The following GRXCR1 variants were observed in gnomAD, a reference collection of about 807,000 sequenced individuals.
GRXCR1 encodes glutaredoxin domain-containing cysteine-rich protein 1.
Under a neutral mutation model 27.3 loss-of-function variants are expected in GRXCR1, and 27 were observed. That is an observed-to-expected ratio of 0.99 (90% CI 0.73 to 1.37). The LOEUF is 1.37. GRXCR1 is among the 40% of genes most tolerant of loss of function. The probability of loss-of-function intolerance (pLI) is 0.00; values close to 1 mark genes in which losing one functional copy is unlikely to be tolerated. For synonymous variants in GRXCR1, 122 were observed against 131.1 expected (o/e 0.93, Z 0.47); for missense variants, 379 against 354.4 (o/e 1.07, Z -0.56).
chr4:43,013,399 A>G (rs182210113), intron 2 of GRXCR1, among the ~76,000 whole-genome samples: 11 of 152,290 alleles, frequency 7.2e-5, no homozygotes, highest in Admixed American at 1.3e-4. Context: ...CAAATATTGC[A>G]TGTTCTCATT....
In GRXCR1 at chr4:43,022,071, A is replaced by G. The variant is rs549059579; in HGVS notation, c.693+1652A>G. 2.0e-5 allele frequency among the ~76,000 whole-genome samples: 3 copies of G among 152,284 alleles called. No individual in the cohort carries two copies. In the South Asian group the frequency reaches 6.2e-4, roughly 32 times the overall value. The stretch of plus-strand genomic sequence containing the variant: ...TCTATTTATTTCTTTCTGTTCTCAT[A>G]TACTACCCCAATCCTGTGAAGTCAT... On this transcript the variant is annotated intron_variant, in intron 3 of 3. Coordinates refer to ENST00000399770, the MANE Select transcript of GRXCR1 (RefSeq NM_001080476.3).
At chr4:42,987,258 T>TA (rs1711793368) in intron 2 of GRXCR1, among the ~76,000 whole-genome samples, 1 of 83,484 alleles carries the variant, frequency 1.2e-5, no homozygotes, top group African/African-American at 4.4e-5. Context: ...AATATATATA[T>TA]ATAATATATA....
chr4:43,021,617 G>A lies in GRXCR1; in HGVS notation c.693+1198G>A, dbSNP rs562701392. Among the ~76,000 whole-genome samples the A allele has an allele frequency of 8.5e-5, 13 of 152,230 alleles. No homozygotes were observed. The South Asian group carries it at 2.3e-3, about 27-fold the overall frequency. ...CCTCTCAATGTACTGCAGACCTATA[G>A]AAATAACTCAAAATCATTTTTTATC... On this transcript the variant is annotated intron_variant, in intron 3 of 3. Coordinates refer to ENST00000399770, the MANE Select transcript of GRXCR1 (RefSeq NM_001080476.3).
chr4:43,026,702 T>C (rs1333478637), intron 3 of GRXCR1, among the ~76,000 whole-genome samples: 1 of 152,214 alleles, frequency 6.6e-6, no homozygotes, highest in Non-Finnish European at 1.5e-5. Flanking sequence ...AGAGACCTCT[T>C]CAATATTCCA....
intron 2 of GRXCR1, among the ~76,000 whole-genome samples, chr4:42,974,647 C>T (rs1447425430): frequency 2.6e-5 from 4 of 152,042 alleles, no homozygotes; most frequent in African/African-American, 4.8e-5. Flanking sequence ...AATCCTGAAG[C>T]GAGAGCTAAG....
intron 2 of GRXCR1, among the ~76,000 whole-genome samples, chr4:42,974,151 C>T (rs553237164): frequency 2.0e-5 from 3 of 152,160 alleles, no homozygotes; most frequent in African/African-American, 7.2e-5. Context: ...CTCTCAAATC[C>T]ATCTCCTTGA....
At chr4:42,904,483 G>C (rs1333180382) in intron 1 of GRXCR1, among the ~76,000 whole-genome samples, 2 of 152,132 alleles carry the variant, frequency 1.3e-5, no homozygotes, top group Non-Finnish European at 2.9e-5. Flanking sequence ...TTAGACATAA[G>C]AGCACTATTC....
rs141247129 is a variant in GRXCR1 at position 42,954,071 on chromosome 4, C to A, written c.385-8821C>A. Among the ~76,000 whole-genome samples, 12 of 152,126 alleles carry A rather than the reference C, an allele frequency of 7.9e-5. No homozygotes were observed. The East Asian group carries it at 2.3e-3, about 30-fold the overall frequency. On this transcript the variant is annotated intron_variant, in intron 1 of 3. Transcript: ENST00000399770. Reference sequence around the variant, plus strand: ...AATATTTATGGAGTATCCATATGCACTAGGTTATATTCTGGGTTCTTAGTT... The same window carrying A: ...AATATTTATGGAGTATCCATATGCAATAGGTTATATTCTGGGTTCTTAGTT...
intron 1 of GRXCR1, among the ~76,000 whole-genome samples, chr4:42,924,631 A>G (rs1747104089): frequency 6.6e-6 from 1 of 152,092 alleles, no homozygotes; most frequent in South Asian, 2.1e-4. Flanking sequence ...TATGAATGCT[A>G]GGAATGTTTC....
intron 2 of GRXCR1, among the ~76,000 whole-genome samples, chr4:42,989,833 T>C (rs1419792311): frequency 6.6e-6 from 1 of 152,214 alleles, no homozygotes; most frequent in Non-Finnish European, 1.5e-5. Context: ...TGGTATTATC[T>C]CCTATCTGCA....
In GRXCR1 at chr4:42,946,580, T is replaced by C. The variant is rs139687464; in HGVS notation, c.385-16312T>C. On this transcript the variant is annotated intron_variant, in intron 1 of 3. Transcript: ENST00000399770. ...ATTTATTTTTCACAGTTCTGGAGCA[T>C]AGAAAGTTCAAGATCACAGTGAGCA... Among the ~76,000 whole-genome samples, 384 of 152,266 alleles carry C rather than the reference T, an allele frequency of 2.5e-3. 3 individuals carry two copies. The highest frequency in any genetic ancestry group is 9.0e-3 in the African/African-American group (373 of 41,572).
In GRXCR1 at chr4:42,921,646, T is replaced by A. The variant is rs554117521; in HGVS notation, c.384+27996T>A. On this transcript the variant is annotated intron_variant, in intron 1 of 3. Coordinates refer to ENST00000399770, the MANE Select transcript of GRXCR1 (RefSeq NM_001080476.3). Reference sequence around the variant, plus strand: ...TTGGTGAGATTTAAAAAATGGATGGTTTTATTTCTTTCAGATTACCATATT... The same window carrying A: ...TTGGTGAGATTTAAAAAATGGATGGATTTATTTCTTTCAGATTACCATATT... 1.7e-4 allele frequency among the ~76,000 whole-genome samples: 26 copies of A among 152,188 alleles called. 1 individual carries two copies. The highest frequency in any genetic ancestry group is 1.7e-3 in the Admixed American group (26 of 15,260).
intron 2 of GRXCR1, among the ~76,000 whole-genome samples, chr4:42,982,716 T>TCTCCA (rs1711530652): frequency 6.9e-6 from 1 of 144,788 alleles, no homozygotes; most frequent in African/African-American, 2.5e-5. Flanking sequence ...CTCCAGCACC[T>TCTCCA]GTTGTTTCCT....
At chr4:42,968,938 T>C (rs1476270029) in intron 2 of GRXCR1, among the ~76,000 whole-genome samples, 2 of 152,048 alleles carry the variant, frequency 1.3e-5, no homozygotes, top group African/African-American at 4.8e-5. Flanking sequence ...ATCATAGATA[T>C]TGGGTAGGCA....
chr4:42,940,340 C>G (rs183485195), intron 1 of GRXCR1, among the ~76,000 whole-genome samples: 15 of 152,238 alleles, frequency 9.9e-5, no homozygotes, highest in African/African-American at 3.6e-4. Flanking sequence ...CTACAGCTCT[C>G]TGAATGCATC....
rs1347688069 is a variant in GRXCR1 at position 42,963,023 on chromosome 4, G to A, written c.516G>A (p.Glu172=). ...IFQNHRVKFE[E]KNIALNGEYG... ...AAAACCATCGCGTAAAATTTGAAGA[G>A]AAAAACATAGCCCTGAATGGTGAAT... Residue 172 remains glutamate (E), a synonymous_variant, in exon 2 of 4, where the codon GAG becomes GAA. Coordinates refer to ENST00000399770, the MANE Select transcript of GRXCR1 (RefSeq NM_001080476.3). 6.2e-7 allele frequency: 1 copy of A among 1,612,838 alleles called. No homozygotes were observed.
chr4:43,029,258 G>A (rs979231238), intron 3 of GRXCR1, among the ~76,000 whole-genome samples: 1 of 152,240 alleles, frequency 6.6e-6, no homozygotes, highest in South Asian at 2.1e-4. Flanking sequence ...GCTTTAATAT[G>A]TGCAATTATA....
At position 42,991,841 on chromosome 4, in the gene GRXCR1, T is replaced by C. The variant is rs78912989; in HGVS notation, c.628-28513T>C. 2.3e-3 allele frequency among the ~76,000 whole-genome samples: 355 copies of C among 152,262 alleles called. 1 individual carries two copies. Among genetic ancestry groups the C allele is most frequent in the Non-Finnish European group, 3.1e-3 (214 of 67,980 alleles). On this transcript the variant is annotated intron_variant, in intron 2 of 3. Coordinates refer to ENST00000399770, the MANE Select transcript of GRXCR1 (RefSeq NM_001080476.3). ...TCAATTTTCAATCCCTTGGAGACAA[T>C]ATTGCCCTCATCGAGAATGCTGCAC...
chr4:42,893,326 C>T lies in GRXCR1; in HGVS notation c.60C>T (p.Ile20=), dbSNP rs267600162. The T allele has an allele frequency of 1.5e-5, 24 of 1,613,726 alleles. No individual in the cohort carries two copies. The highest frequency in any genetic ancestry group is 3.3e-4 in the Middle Eastern group (2 of 6,054). The change falls in exon 1 of 4, where the codon ATC becomes ATT. Residue 20 remains isoleucine, a synonymous_variant. Coordinates refer to ENST00000399770, the MANE Select transcript of GRXCR1 (RefSeq NM_001080476.3). ...GGCCACGGAAAGTCCGGTTTCGGAT[C>T]GCGTCCTCTCACAGTGGGCGAGTTC... ...SDRPRKVRFR[I]ASSHSGRVLK... is the part of the protein sequence containing the mutation.
Sources: allele counts gnomAD v4.1 joint callset (sites outside exome capture counted in the v4.1 genomes callset), GRCh38; gene constraint gnomAD v4.1.1; transcripts MANE v1.5; gene names NCBI Gene and HGNC (gene_info 2026-07-23, HGNC 2026-07-21).